Variants in ZC3H12B observed in about 807,000 individuals in gnomAD.
ZC3H12B encodes zinc finger CCCH-type containing 12B.
ZC3H12B carries 7 observed loss-of-function variants against 43.9 expected under a neutral mutation model. That is an observed-to-expected ratio of 0.16 (90% CI 0.09 to 0.30). The LOEUF is 0.30. ZC3H12B is among the 10% of genes least tolerant of loss of function. The pLI is 1.00. For missense variants in ZC3H12B, 475 were observed against 670.2 expected, an observed-to-expected ratio of 0.71 and a Z score of 3.22; for synonymous variants, 222 against 241.7, an observed-to-expected ratio of 0.92 and a Z score of 0.76.
the ZC3H12B span, among the ~76,000 whole-genome samples, chrX:65,043,408 T>C: frequency 3.6e-5 from 4 of 110,690 alleles, no homozygotes; most frequent in African/African-American, 1.3e-4. Context: ...GAGAAGCAAA[T>C]TGAGACCCAG....
At chrX:65,289,512 G>A in the ZC3H12B span, among the ~76,000 whole-genome samples, 1 of 108,577 alleles carries the variant, frequency 9.2e-6, no homozygotes, top group Non-Finnish European at 1.9e-5. Context: ...GGTTCAGGGA[G>A]TACATGTATA....
chrX:65,173,704 G>C, the ZC3H12B span, among the ~76,000 whole-genome samples: 1 of 111,829 alleles, frequency 8.9e-6, no homozygotes, highest in Non-Finnish European at 1.9e-5. Context: ...CATTTGTTCT[G>C]TTTTTGTGAT....
intron 3 of ZC3H12B, among the ~76,000 whole-genome samples, chrX:65,421,490 CCAGGGAAGGAG>C (rs1214122178): frequency 8.9e-6 from 1 of 112,105 alleles, no homozygotes; most frequent in Non-Finnish European, 1.9e-5. Context: ...ACTACTTTTA[CCAGGGAAGGAG>C]CAGAATTTTG....
the ZC3H12B span, among the ~76,000 whole-genome samples, chrX:65,348,688 CAAA>C: frequency 4.0e-5 from 2 of 50,437 alleles, no homozygotes; most frequent in Non-Finnish European, 4.6e-5. Flanking sequence ...AAATGGCAAG[CAAA>C]AAAAAAAAAA....
chrX:65,227,808 A>G, the ZC3H12B span, among the ~76,000 whole-genome samples: 1 of 111,532 alleles, frequency 9.0e-6, no homozygotes, highest in Non-Finnish European at 1.9e-5. Context: ...TCCTCGACAC[A>G]TACACCCTCC....
chrX:65,437,600 T>G (rs920328661), intron 3 of ZC3H12B, among the ~76,000 whole-genome samples: 1 of 112,490 alleles, frequency 8.9e-6, no homozygotes, highest in African/African-American at 3.2e-5. Flanking sequence ...ATTTTTAGAT[T>G]TTTTTCTATT....
chrX:65,379,464 C>T (rs1372571490), intron 2 of ZC3H12B, among the ~76,000 whole-genome samples: 2 of 111,906 alleles, frequency 1.8e-5, no homozygotes, highest in Admixed American at 1.9e-4. Flanking sequence ...TGTACATCAC[C>T]ATCATCTAAG....
At chrX:65,292,904 A>T in the ZC3H12B span, among the ~76,000 whole-genome samples, 1 of 111,582 alleles carries the variant, frequency 9.0e-6, no homozygotes, top group Non-Finnish European at 1.9e-5. Context: ...GGATCACTTA[A>T]ACCTGAACAG....
At chrX:65,137,570 C>G in the ZC3H12B span, among the ~76,000 whole-genome samples, 2 of 111,893 alleles carry the variant, frequency 1.8e-5, no homozygotes, top group Non-Finnish European at 3.8e-5. Flanking sequence ...TATATCACAT[C>G]AGGAAAAATT....
At chrX:65,333,424 A>T in the ZC3H12B span, among the ~76,000 whole-genome samples, 2 of 112,181 alleles carry the variant, frequency 1.8e-5, no homozygotes, top group African/African-American at 6.5e-5. Context: ...AGAGAAAAAA[A>T]TCCTCCAAAT....
At chrX:65,174,939 C>CA in the ZC3H12B span, among the ~76,000 whole-genome samples, 1,269 of 101,219 alleles carry the variant, frequency 0.013, 10 homozygotes, top group South Asian at 0.026. Flanking sequence ...AAAAAACAAA[C>CA]AAAAAAAAAA....
chrX:65,227,027 C>A, the ZC3H12B span, among the ~76,000 whole-genome samples: 1 of 111,068 alleles, frequency 9.0e-6, no homozygotes, highest in African/African-American at 3.3e-5. Context: ...CTGCACCAAG[C>A]GGACCTAATA....
the ZC3H12B span, among the ~76,000 whole-genome samples, chrX:65,144,399 GTTA>G: frequency 1.5e-4 from 17 of 111,950 alleles, no homozygotes; most frequent in Non-Finnish European, 2.6e-4. Flanking sequence ...GTCTACCAAT[GTTA>G]TTTATCTTTT....
chrX:65,154,001 A>G, the ZC3H12B span, among the ~76,000 whole-genome samples: 2 of 110,744 alleles, frequency 1.8e-5, no homozygotes, highest in Non-Finnish European at 3.8e-5. Context: ...AACACCGCAT[A>G]TTCTCACTCA....
the ZC3H12B span, among the ~76,000 whole-genome samples, chrX:65,086,962 C>T: frequency 9.1e-6 from 1 of 110,211 alleles, no homozygotes; most frequent in Non-Finnish European, 1.9e-5. Context: ...TGCTTGGGCT[C>T]TAATACCCCA....
At chrX:65,153,732 A>G in the ZC3H12B span, among the ~76,000 whole-genome samples, 468 of 112,047 alleles carry the variant, frequency 4.2e-3, 2 homozygotes, top group African/African-American at 0.013. Flanking sequence ...ATTACTGGGT[A>G]TATACCCAAA....
At chrX:65,128,354 G>T in the ZC3H12B span, among the ~76,000 whole-genome samples, 1 of 112,136 alleles carries the variant, frequency 8.9e-6, no homozygotes, top group Non-Finnish European at 1.9e-5. Flanking sequence ...TAACGTCAAA[G>T]TGTTTGTAGA....
the ZC3H12B span, among the ~76,000 whole-genome samples, chrX:65,085,450 C>T: frequency 9.0e-6 from 1 of 110,745 alleles, no homozygotes; most frequent in African/African-American, 3.3e-5. Context: ...AACCAAATCA[C>T]CATGGTTTTG....
intron 2 of ZC3H12B, among the ~76,000 whole-genome samples, chrX:65,374,370 A>G (rs1453739011): frequency 2.0e-5 from 2 of 100,860 alleles, no homozygotes; most frequent in African/African-American, 3.6e-5. Context: ...AAGTCTCAGC[A>G]TCATGTAACA....
Sources: allele counts gnomAD v4.1 joint callset (sites outside exome capture counted in the v4.1 genomes callset), GRCh38; gene constraint gnomAD v4.1.1; transcripts MANE v1.5; gene names NCBI Gene and HGNC (gene_info 2026-07-23, HGNC 2026-07-21).